Variants in IQGAP2 observed in about 807,000 individuals in gnomAD.
IQGAP2 encodes ras GTPase-activating-like protein IQGAP2.
A neutral mutation model predicts 201.3 loss-of-function variants in IQGAP2; 173 were observed. That is an observed-to-expected ratio of 0.86 (90% CI 0.76 to 0.98). IQGAP2 has a LOEUF of 0.98. Among genes scored for constraint, IQGAP2 ranks in the 50% least tolerant of loss-of-function variants. IQGAP2 has a pLI of 0.00. For missense variants in IQGAP2, 1,687 were observed against 1,864.8 expected (o/e 0.90, Z 1.76); for synonymous variants, 675 against 673.9 (o/e 1.00, Z -0.03).
chr5:76,532,172 T>C (rs746459557), intron 2 of IQGAP2, among the ~76,000 whole-genome samples: 35 of 152,328 alleles, frequency 2.3e-4, no homozygotes, highest in Non-Finnish European at 4.7e-4. Flanking sequence ...ATTTTCTGTG[T>C]GTTTATGTAA....
Position 76,652,808 on chromosome 5 carries a change from T to C in IQGAP2, c.2153T>C (p.Ile718Thr). 1.2e-6 allele frequency: 2 copies of C among 1,607,788 alleles called. No individual in the cohort carries two copies. The highest frequency in any genetic ancestry group is 1.7e-4 in the Middle Eastern group (1 of 6,050). Residue 718 changes from isoleucine to threonine, a missense_variant, in exon 18 of 36, where the codon ATT (isoleucine) becomes ACT (threonine). Physicochemically the swap from Ile to Thr is moderately conservative, Grantham distance 89. Transcript: ENST00000274364. ...TATATGCACAGGCGGCAAACGTTCATTGATAATACTGATTCTATTGTGAAG... is the reference window on the plus strand; with the variant it reads ...TATATGCACAGGCGGCAAACGTTCACTGATAATACTGATTCTATTGTGAAG... ...KEYMHRRQTFIDNTDSIVKIQ... is the reference protein window; with the variant it reads ...KEYMHRRQTFTDNTDSIVKIQ...
chr5:76,436,520 T>C (rs1348207235), intron 1 of IQGAP2, among the ~76,000 whole-genome samples: 1 of 23,090 alleles, frequency 4.3e-5, no homozygotes, highest in Non-Finnish European at 7.0e-5. Flanking sequence ...TATATATATT[T>C]TTTTTTTTTT....
rs1443002583 is a variant in IQGAP2 at position 76,496,768 on chromosome 5, T to C, written c.146+35099T>C. Among the ~76,000 whole-genome samples the C allele has an allele frequency of 1.9e-4, 23 of 118,180 alleles. 1 individual carries two copies. The highest frequency in any genetic ancestry group is 1.0e-3 in the African/African-American group (23 of 22,882). The allele number at this position is 118,180 out of a possible 152,430, so 77.5% of individuals were successfully genotyped here. ...TTCTTTCTTTCTTTCTTTCTTTCTTTCTTTCTTTCTTTCTTTCTTTCTTTC... is the reference window on the plus strand; with the variant it reads ...TTCTTTCTTTCTTTCTTTCTTTCTTCCTTTCTTTCTTTCTTTCTTTCTTTC... On this transcript the variant is annotated intron_variant, in intron 2 of 35. Coordinates refer to ENST00000274364, the MANE Select transcript of IQGAP2 (RefSeq NM_006633.5).
rs59978990 is a variant in IQGAP2 at position 76,455,453 on chromosome 5, CAAAAAAAAAAA to C, written c.47-6105_47-6095del. On this transcript the variant is annotated intron_variant, in intron 1 of 35. Coordinates refer to ENST00000274364, the MANE Select transcript of IQGAP2 (RefSeq NM_006633.5). Reference sequence around the variant, plus strand: ...GGGCAACAAGAGCGAGACTCTGTCTCAAAAAAAAAAAAAAAAAAAAAAGAGAACAAACAAAA... The same window carrying C: ...GGGCAACAAGAGCGAGACTCTGTCTCAAAAAAAAAAAGAGAACAAACAAAA... Among the ~76,000 whole-genome samples, 61 of 81,210 alleles carry C rather than the reference CAAAAAAAAAAA, an allele frequency of 7.5e-4. 1 individual carries two copies. The highest frequency in any genetic ancestry group is 2.7e-3 in the African/African-American group (58 of 21,280). 53.3% of individuals were successfully genotyped at this position (81,210 alleles called of 152,430 possible).
chr5:76,413,369 G>A (rs182302544), intron 1 of IQGAP2, among the ~76,000 whole-genome samples: 35 of 151,860 alleles, frequency 2.3e-4, no homozygotes, highest in African/African-American at 8.2e-4. Flanking sequence ...GGGTTTCACC[G>A]TATTAGTCAG....
At chr5:76,633,961 C>G (rs1400554849) in intron 15 of IQGAP2, among the ~76,000 whole-genome samples, 1 of 152,116 alleles carries the variant, frequency 6.6e-6, no homozygotes, top group Non-Finnish European at 1.5e-5. Context: ...CCCCCTCCCC[C>G]CAACTTTTGG....
intron 27 of IQGAP2, 68 bp downstream of exon 27, chr5:76,674,777 C>T (rs79866082): frequency 1.7e-5 from 20 of 1,181,556 alleles, no homozygotes; most frequent in East Asian, 2.4e-5. Context: ...GTGCTCTGTG[C>T]CCAGAGCTAG....
chr5:76,471,359 C>G (rs1390926083), intron 2 of IQGAP2, among the ~76,000 whole-genome samples: 1 of 39,520 alleles, frequency 2.5e-5, no homozygotes, highest in Non-Finnish European at 4.6e-5. Flanking sequence ...TGAAAATAAA[C>G]TAAGCAAAAA....
intron 17 of IQGAP2, among the ~76,000 whole-genome samples, chr5:76,651,062 A>G (rs1232887111): frequency 6.6e-6 from 1 of 152,134 alleles, no homozygotes; most frequent in African/African-American, 2.4e-5. Flanking sequence ...AGTTTCCTCG[A>G]GCTCACACTT....
intron 2 of IQGAP2, among the ~76,000 whole-genome samples, chr5:76,492,323 G>C (rs923881927): frequency 6.6e-6 from 1 of 152,190 alleles, no homozygotes; most frequent in Non-Finnish European, 1.5e-5. Context: ...GACGGCTCAG[G>C]CCTCCTGTCC....
At chr5:76,565,117 T>C (rs1473692534) in intron 3 of IQGAP2, among the ~76,000 whole-genome samples, 1 of 152,166 alleles carries the variant, frequency 6.6e-6, no homozygotes, top group Non-Finnish European at 1.5e-5. Flanking sequence ...TATTAGCAAA[T>C]AGATAATGCA....
Position 76,665,305 on chromosome 5 carries a change from A to C in IQGAP2, c.2679+130A>C, listed in dbSNP as rs558163425. 11 of 762,236 alleles carry C rather than the reference A, an allele frequency of 1.4e-5. No individual in the cohort carries two copies. The Admixed American group carries it at 2.0e-4, about 14-fold the overall frequency. The allele number at this position is 762,236 out of a possible 1,614,324, so 47.2% of individuals were successfully genotyped here. On this transcript the variant is annotated intron_variant, in intron 22 of 35. Coordinates refer to ENST00000274364, the MANE Select transcript of IQGAP2 (RefSeq NM_006633.5). ...TGTTTTGAGCATCTACTAAGTACCAAGTGCTGTTGTTGGTGCTTTACATAC... is the reference window on the plus strand; with the variant it reads ...TGTTTTGAGCATCTACTAAGTACCACGTGCTGTTGTTGGTGCTTTACATAC...
chr5:76,604,137 C>A (rs1046983023), intron 11 of IQGAP2, among the ~76,000 whole-genome samples: 1 of 152,138 alleles, frequency 6.6e-6, no homozygotes, highest in Non-Finnish European at 1.5e-5. Flanking sequence ...TAGTTCCCCA[C>A]CCCCTGACAT....
At chr5:76,436,025 T>C (rs1752628420) in intron 1 of IQGAP2, among the ~76,000 whole-genome samples, 1 of 152,126 alleles carries the variant, frequency 6.6e-6, no homozygotes, top group Admixed American at 6.6e-5. Flanking sequence ...AGCTTGGTCA[T>C]TGTTGGTGTA....
At chr5:76,654,170 T>G in intron 18 of IQGAP2, 30 bp from the exon 19 acceptor site, 1 of 1,481,456 alleles carries the variant, frequency 6.8e-7, no homozygotes, top group Non-Finnish European at 9.3e-7. Context: ...TATTTTTTGT[T>G]GTACTTTTCT....
At chr5:76,530,466 T>C (rs1580390714) in intron 2 of IQGAP2, among the ~76,000 whole-genome samples, 1 of 152,368 alleles carries the variant, frequency 6.6e-6, no homozygotes, top group Non-Finnish European at 1.5e-5. Context: ...AGGAATTTTT[T>C]CCTAATTTCT....
At chr5:76,503,068 G>T (rs1369537538) in intron 2 of IQGAP2, among the ~76,000 whole-genome samples, 2 of 151,536 alleles carry the variant, frequency 1.3e-5, no homozygotes, top group Admixed American at 6.6e-5. Context: ...CTTATGATAG[G>T]TTACTCCTGG....
intron 1 of IQGAP2, among the ~76,000 whole-genome samples, chr5:76,435,273 T>G (rs1169074649): frequency 2.0e-5 from 3 of 152,118 alleles, no homozygotes; most frequent in Admixed American, 2.0e-4. Flanking sequence ...ATTCTTTGCC[T>G]AGGCCAATGT....
intron 2 of IQGAP2, among the ~76,000 whole-genome samples, chr5:76,526,494 T>C (rs1758983413): frequency 6.6e-6 from 1 of 152,204 alleles, no homozygotes; most frequent in African/African-American, 2.4e-5. Flanking sequence ...ATAAAATATG[T>C]GGAAAGGAGT....
Sources: allele counts gnomAD v4.1 joint callset (sites outside exome capture counted in the v4.1 genomes callset), GRCh38; gene constraint gnomAD v4.1.1; transcripts MANE v1.5; gene names NCBI Gene and HGNC (gene_info 2026-07-23, HGNC 2026-07-21).